Variants in FBLN7 observed in about 807,000 individuals in gnomAD.
FBLN7 encodes fibulin-7.
Under a neutral mutation model 44.0 loss-of-function variants are expected in FBLN7, and 31 were observed. The observed-to-expected ratio is 0.70, with a 90% confidence interval of 0.53 to 0.95. The LOEUF (loss-of-function observed/expected upper bound fraction) is 0.95. FBLN7 is among the 40% of genes least tolerant of loss of function. The pLI is 0.00. For missense variants in FBLN7, 573 were observed against 618.5 expected, an observed-to-expected ratio of 0.93 and a Z score of 0.78; for synonymous variants, 262 against 253.4, an observed-to-expected ratio of 1.03 and a Z score of -0.32.
At chr2:112,199,002 A>T in the FBLN7 span, among the ~76,000 whole-genome samples, 26 of 152,304 alleles carry the variant, frequency 1.7e-4, no homozygotes, top group African/African-American at 5.8e-4. Context: ...GTGAAGGACT[A>T]TGTGGGTTCC....
the FBLN7 span, among the ~76,000 whole-genome samples, chr2:112,216,879 CAAAG>C: frequency 1.6e-3 from 243 of 151,704 alleles, 2 homozygotes; most frequent in Non-Finnish European, 2.8e-3. Flanking sequence ...TAATAGAAAA[CAAAG>C]AAAACACATT....
At chr2:112,181,539 TC>T (rs1214033367) in intron 4 of FBLN7, among the ~76,000 whole-genome samples, 199 bp from the exon 5 acceptor site, 1 of 152,156 alleles carries the variant, frequency 6.6e-6, no homozygotes, top group Non-Finnish European at 1.5e-5. Context: ...GCGCTTCCTT[TC>T]CCGCGCCCCC....
Position 112,182,663 on chromosome 2 carries a change from GC to G in FBLN7, c.671-125del, listed in dbSNP as rs980995624. 47 of 1,183,914 alleles carry G rather than the reference GC, an allele frequency of 4.0e-5. 1 individual carries two copies. Among genetic ancestry groups the G allele is most frequent in the African/African-American group, 3.6e-4 (23 of 64,488 alleles). The allele number at this position is 1,183,914 out of a possible 1,614,324, so 73.3% of individuals were successfully genotyped here. A position where few individuals can be genotyped will look rare whatever the true frequency, so the allele number is the denominator to read the frequency against. On this transcript the variant is annotated intron_variant, in intron 5 of 7. Coordinates refer to ENST00000331203, the MANE Select transcript of FBLN7 (RefSeq NM_153214.3). Reference sequence around the variant, plus strand: ...CTGCTGGGGGTAGGGCATGGCGGCTGCCCGAGGCCCAGCCACTTAACTGCAG... The same window carrying G: ...CTGCTGGGGGTAGGGCATGGCGGCTGCCGAGGCCCAGCCACTTAACTGCAG...
Position 112,182,920 on chromosome 2 carries a change from G to A in FBLN7, c.800G>A (p.Ser267Asn), listed in dbSNP as rs925164250. ...TACCGAACTCTGGCTGACGGGAAGA[G>A]CTGTGAGGGTGAGTGAGGCTACAGA... ...GGYRTLADGK[S>N]CEDVDECVGL... The change falls in exon 6 of 8, where the codon AGC (serine) becomes AAC (asparagine). Residue 267 changes from serine (S) to asparagine (N), a missense_variant. By Grantham distance (46) the Ser-to-Asn change is conservative. Transcript: ENST00000331203. The A allele has an allele frequency of 1.2e-6, 2 of 1,612,482 alleles. No individual in the cohort carries two copies. The highest frequency in any genetic ancestry group is 1.7e-5 in the Admixed American group (1 of 59,898).
the FBLN7 span, among the ~76,000 whole-genome samples, chr2:112,239,579 C>CTTTTTTTT: frequency 9.9e-4 from 86 of 86,482 alleles, 2 homozygotes; most frequent in Non-Finnish European, 1.6e-3. Flanking sequence ...TAACAGTTTA[C>CTTTTTTTT]TTTTTTTTTT....
chr2:112,164,810 C>T (rs1432208867), intron 2 of FBLN7, among the ~76,000 whole-genome samples, 191 bp from the exon 3 acceptor site: 1 of 152,214 alleles, frequency 6.6e-6, no homozygotes, highest in African/African-American at 2.4e-5. Flanking sequence ...AAGCAGGCAT[C>T]GTACCACCCA....
chr2:112,165,939 G>A (rs1682132272), intron 3 of FBLN7, among the ~76,000 whole-genome samples: 1 of 152,266 alleles, frequency 6.6e-6, no homozygotes, highest in Non-Finnish European at 1.5e-5. Context: ...AGGTTCGTGG[G>A]ACATCTGCTG....
the FBLN7 span, among the ~76,000 whole-genome samples, chr2:112,203,991 C>T: frequency 6.6e-6 from 1 of 152,086 alleles, no homozygotes; most frequent in Admixed American, 6.5e-5. Flanking sequence ...GGTGAGGACA[C>T]AGCCAAACCA....
the FBLN7 span, among the ~76,000 whole-genome samples, chr2:112,244,089 A>G: frequency 6.6e-6 from 1 of 152,050 alleles, no homozygotes; most frequent in African/African-American, 2.4e-5. Context: ...CCACAATAGC[A>G]CTAAGCAGAA....
the FBLN7 span, among the ~76,000 whole-genome samples, chr2:112,193,576 C>T: frequency 6.0e-4 from 92 of 152,244 alleles, no homozygotes; most frequent in South Asian, 5.2e-3. Flanking sequence ...CGTTTTAAAA[C>T]GTATGTTATT....
At chr2:112,198,324 G>C in the FBLN7 span, among the ~76,000 whole-genome samples, 1 of 152,114 alleles carries the variant, frequency 6.6e-6, no homozygotes, top group African/African-American at 2.4e-5. Context: ...TCACATAAAT[G>C]GGATTAGTGT....
the FBLN7 span, among the ~76,000 whole-genome samples, chr2:112,237,579 A>AT: frequency 9.3e-4 from 136 of 145,646 alleles, no homozygotes; most frequent in East Asian, 1.4e-3. Flanking sequence ...TAAAATTTTA[A>AT]TTTTTTTTTT....
At chr2:112,142,216 C>T (rs1273619795) in intron 1 of FBLN7, among the ~76,000 whole-genome samples, 2 of 152,174 alleles carry the variant, frequency 1.3e-5, no homozygotes, top group Admixed American at 6.5e-5. Flanking sequence ...ACTCCTTCCA[C>T]GTTTTGGGTC....
chr2:112,161,345 G>C (rs1681859049), intron 2 of FBLN7, among the ~76,000 whole-genome samples: 2 of 152,180 alleles, frequency 1.3e-5, no homozygotes, highest in Admixed American at 6.5e-5. Context: ...GGCAAATCCA[G>C]CTCTCAACGG....
intron 7 of FBLN7, 30 bp downstream of exon 7, chr2:112,185,369 A>C (rs1441942452): frequency 1.2e-6 from 2 of 1,600,302 alleles, no homozygotes; most frequent in African/African-American, 1.3e-5. Flanking sequence ...GCACACCCTC[A>C]CCCAGGCCTC....
intron 2 of FBLN7, among the ~76,000 whole-genome samples, chr2:112,161,032 C>T (rs1282039286): frequency 6.6e-6 from 1 of 152,164 alleles, no homozygotes; most frequent in East Asian, 1.9e-4. Flanking sequence ...AGGCTACAGC[C>T]GACACCCCAG....
chr2:112,236,729 A>C, the FBLN7 span: 1 of 1,553,068 alleles, frequency 6.4e-7, no homozygotes, highest in African/African-American at 1.4e-5. Context: ...AAAATGACAT[A>C]AAGTTACAAT....
the FBLN7 span, chr2:112,232,003 A>G: frequency 9.2e-7 from 1 of 1,090,798 alleles, no homozygotes; most frequent in Non-Finnish European, 1.3e-6. Flanking sequence ...TAATGTTATT[A>G]ACTTAATGAC....
At chr2:112,185,375 G>T in intron 7 of FBLN7, 36 bp downstream of exon 7, 2 of 1,597,066 alleles carry the variant, frequency 1.3e-6, no homozygotes, top group Non-Finnish European at 1.7e-6. Flanking sequence ...CCTCACCCAG[G>T]CCTCCAAGTG....
Sources: allele counts gnomAD v4.1 joint callset (sites outside exome capture counted in the v4.1 genomes callset), GRCh38; gene constraint gnomAD v4.1.1; transcripts MANE v1.5; gene names NCBI Gene and HGNC (gene_info 2026-07-23, HGNC 2026-07-21).